Variants in ZNF277 observed in about 807,000 individuals in gnomAD.
ZNF277 encodes nuclear receptor-interacting factor 4.
ZNF277 carries 55 observed loss-of-function variants against 60.7 expected under a neutral mutation model. The observed-to-expected ratio is 0.91, with a 90% CI of 0.73 to 1.13. The LOEUF (loss-of-function observed/expected upper bound fraction) is 1.13, where lower values mean the gene tolerates loss of function less well. ZNF277 is among the 50% of genes most tolerant of loss of function. The pLI is 0.00. For missense variants in ZNF277, 510 were observed against 523.0 expected (o/e 0.98, Z 0.24); for synonymous variants, 178 against 179.3 (o/e 0.99, Z 0.06).
At chr7:112,241,503 A>T (rs188188016) in intron 1 of ZNF277, among the ~76,000 whole-genome samples, 3 of 152,274 alleles carry the variant, frequency 2.0e-5, no homozygotes, top group East Asian at 1.9e-4. Context: ...CTAGGTGTAT[A>T]CCCAAAATAA....
At chr7:112,279,318 C>G (rs1369296805) in intron 1 of ZNF277, among the ~76,000 whole-genome samples, 1 of 152,118 alleles carries the variant, frequency 6.6e-6, no homozygotes, top group Non-Finnish European at 1.5e-5. Flanking sequence ...TTCCCACCAA[C>G]AGTACACAAG....
At chr7:112,213,104 G>A (rs1304357331) in intron 1 of ZNF277, among the ~76,000 whole-genome samples, 1 of 152,168 alleles carries the variant, frequency 6.6e-6, no homozygotes, top group Non-Finnish European at 1.5e-5. Flanking sequence ...AATCATAGGG[G>A]CAGGTCTTTC....
intron 1 of ZNF277, among the ~76,000 whole-genome samples, chr7:112,250,599 C>T (rs1488395608): frequency 6.6e-6 from 1 of 152,116 alleles, no homozygotes; most frequent in African/African-American, 2.4e-5. Context: ...GTACTCTGTC[C>T]CTTTATTTCT....
intron 4 of ZNF277, among the ~76,000 whole-genome samples, chr7:112,304,333 C>T (rs942204288): frequency 2.0e-5 from 3 of 152,070 alleles, no homozygotes; most frequent in Non-Finnish European, 4.4e-5. Flanking sequence ...CTCTAGTGAT[C>T]AGACTCTGGC....
intron 1 of ZNF277, among the ~76,000 whole-genome samples, chr7:112,258,766 A>T (rs1025595078): frequency 2.0e-5 from 3 of 152,134 alleles, no homozygotes; most frequent in African/African-American, 7.2e-5. Context: ...TTTATATATA[A>T]ACTTCTAAAT....
chr7:112,338,924 G>A (rs1159390212), intron 9 of ZNF277, among the ~76,000 whole-genome samples: 1 of 152,168 alleles, frequency 6.6e-6, no homozygotes. Flanking sequence ...CCATCCCAGT[G>A]AGTTAAATGG....
chr7:112,326,332 A>G (rs1281989212), intron 5 of ZNF277, among the ~76,000 whole-genome samples: 1 of 151,972 alleles, frequency 6.6e-6, no homozygotes, highest in Non-Finnish European at 1.5e-5. Context: ...CCTCGGGGAT[A>G]GGGGGAACTT....
intron 1 of ZNF277, among the ~76,000 whole-genome samples, chr7:112,257,389 A>C (rs1306453152): frequency 6.6e-6 from 1 of 152,232 alleles, no homozygotes; most frequent in Non-Finnish European, 1.5e-5. Context: ...CAGTATTTCA[A>C]CTTCTCTCCC....
intron 1 of ZNF277, among the ~76,000 whole-genome samples, chr7:112,282,089 C>G (rs1385156899): frequency 6.6e-6 from 1 of 152,206 alleles, no homozygotes; most frequent in Non-Finnish European, 1.5e-5. Flanking sequence ...CCTTGGCCTC[C>G]CAAAGTGCTG....
At chr7:112,270,185 C>T (rs1028925253) in intron 1 of ZNF277, among the ~76,000 whole-genome samples, 11 of 152,074 alleles carry the variant, frequency 7.2e-5, no homozygotes, top group Non-Finnish European at 1.6e-4. Flanking sequence ...TGATTCTTTG[C>T]ATCCTTGAAT....
chr7:112,293,516 G>A (rs912802864), intron 2 of ZNF277, among the ~76,000 whole-genome samples: 3 of 150,932 alleles, frequency 2.0e-5, no homozygotes, highest in Non-Finnish European at 4.4e-5. Flanking sequence ...GGAGGCAGAG[G>A]TTGCAGAGAG....
In ZNF277 at chr7:112,295,887, GA is replaced by G; in HGVS notation, c.316del (p.Arg106GlyfsTer13). On this transcript the variant is annotated frameshift_variant, in exon 3 of 12. Transcript: ENST00000361822. LOFTEE classifies it high-confidence loss of function. The part of the protein sequence containing the change: ...DFQRYILYWR[K>X]RFTEQPITDF... ...TTCTAAGGTACATTTTATATTGGAG[GA>G]AAAGGTTCACTGAACAGCCCATCAC... 6.2e-7 allele frequency: 1 copy of G among 1,612,192 alleles called. No homozygotes were observed.
At chr7:112,239,091 G>A (rs1318431234) in intron 1 of ZNF277, among the ~76,000 whole-genome samples, 1 of 152,156 alleles carries the variant, frequency 6.6e-6, no homozygotes, top group Non-Finnish European at 1.5e-5. Flanking sequence ...ACCCAGTACT[G>A]TGCTGGCATC....
At chr7:112,227,198 T>G (rs1256978591) in intron 1 of ZNF277, among the ~76,000 whole-genome samples, 2 of 152,232 alleles carry the variant, frequency 1.3e-5, no homozygotes, top group African/African-American at 4.8e-5. Flanking sequence ...TGCGTGAAAT[T>G]AGTTGATCCT....
intron 1 of ZNF277, among the ~76,000 whole-genome samples, chr7:112,243,028 C>A (rs988193898): frequency 6.6e-6 from 1 of 152,048 alleles, no homozygotes; most frequent in South Asian, 2.1e-4. Context: ...CACATACCTA[C>A]ATTCAATTGA....
intron 1 of ZNF277, among the ~76,000 whole-genome samples, chr7:112,282,908 T>C (rs1791980259): frequency 6.6e-6 from 1 of 152,208 alleles, no homozygotes; most frequent in East Asian, 1.9e-4. Flanking sequence ...AAGTGGAATC[T>C]CCTTCATAGG....
chr7:112,244,003 A>G (rs925865023), intron 1 of ZNF277, among the ~76,000 whole-genome samples: 10 of 152,154 alleles, frequency 6.6e-5, no homozygotes, highest in Admixed American at 1.3e-4. Flanking sequence ...TTGCAACAAC[A>G]TGGATAGAAC....
At chr7:112,251,418 A>C (rs1452603888) in intron 1 of ZNF277, among the ~76,000 whole-genome samples, 2 of 152,206 alleles carry the variant, frequency 1.3e-5, no homozygotes, top group Non-Finnish European at 2.9e-5. Context: ...AACTTAAAAA[A>C]GTGTTTGAGA....
At chr7:112,318,159 A>G (rs775420944) in intron 4 of ZNF277, 23 bp from the exon 5 acceptor site, 76 of 1,594,116 alleles carry the variant, frequency 4.8e-5, no homozygotes, top group Non-Finnish European at 6.0e-5. Flanking sequence ...AGATAATACC[A>G]TAAATCTGTT....
Sources: gnomAD v4.1 joint callset for allele counts (sites outside exome capture counted in the v4.1 genomes callset) on GRCh38, gnomAD v4.1.1 for gene constraint, MANE v1.5 for transcripts, NCBI Gene and HGNC (gene_info 2026-07-23, HGNC 2026-07-21) for gene names.